Variants in ATG13 observed in about 807,000 individuals in gnomAD.
The protein encoded by ATG13 is autophagy related 13.
A neutral mutation model predicts 65.5 loss-of-function variants in ATG13; 23 were observed. That is an observed-to-expected ratio of 0.35 (90% confidence interval 0.25 to 0.50). The LOEUF is 0.50. Among genes scored for constraint, ATG13 ranks in the 20% least tolerant of loss-of-function variants. The pLI is 0.98. For synonymous variants in ATG13, 252 were observed against 245.2 expected (o/e 1.03, Z -0.26); for missense variants, 566 against 677.0 (o/e 0.84, Z 1.82).
rs149655148 is a variant in ATG13, at chr11:46,662,869, G to A, written c.790-1128G>A. On this transcript the variant is annotated intron_variant, in intron 11 of 18. Transcript: ENST00000683050. ...TGGTTTTGCCAACAGTATAAGGATC[G>A]TTGTGCCATTTGGGCACAGAGTTGA... Among the ~76,000 whole-genome samples, 103 of 152,276 alleles carry A rather than the reference G, an allele frequency of 6.8e-4. No homozygotes were observed. The East Asian group carries it at 0.019, about 28-fold the overall frequency.
intron 2 of ATG13, among the ~76,000 whole-genome samples, chr11:46,638,821 T>G (rs2054886329): frequency 6.6e-6 from 1 of 152,026 alleles, no homozygotes; most frequent in African/African-American, 2.4e-5. Flanking sequence ...GTTTGTTTGT[T>G]TTTTGAGACA....
intron 2 of ATG13, among the ~76,000 whole-genome samples, chr11:46,643,209 G>A (rs1424970639): frequency 1.3e-5 from 2 of 152,122 alleles, no homozygotes; most frequent in Non-Finnish European, 1.5e-5. Flanking sequence ...TTCAGGGGTT[G>A]GGGGTTGGCG....
chr11:46,645,759 T>C, intron 4 of ATG13, 111 bp from the exon 5 acceptor site: 1 of 1,432,188 alleles, frequency 7.0e-7, no homozygotes, highest in South Asian at 1.3e-5. Flanking sequence ...AGTGAATGAA[T>C]TGTCTTCCTT....
intron 7 of ATG13, among the ~76,000 whole-genome samples, chr11:46,654,867 G>A (rs1007999412): frequency 2.6e-5 from 4 of 152,102 alleles, no homozygotes; most frequent in Non-Finnish European, 1.5e-5. Flanking sequence ...GGGAGGCTAC[G>A]GCGGGTGTAT....
At chr11:46,630,331 A>G (rs1436302738) in intron 2 of ATG13, among the ~76,000 whole-genome samples, 1 of 152,196 alleles carries the variant, frequency 6.6e-6, no homozygotes, top group African/African-American at 2.4e-5. Context: ...GATTTGAACC[A>G]AGAACCCTGT....
Position 46,672,615 on chromosome 11 carries a change from C to G in ATG13, c.*283C>G. 2 of 1,419,174 alleles carry G rather than the reference C, an allele frequency of 1.4e-6. No individual in the cohort carries two copies. The highest frequency in any genetic ancestry group is 1.9e-6 in the Non-Finnish European group (2 of 1,069,402). 87.9% of individuals were successfully genotyped at this position (1,419,174 alleles called of 1,614,324 possible). On this transcript the variant is annotated 3_prime_UTR_variant, in exon 19 of 19. Coordinates refer to ENST00000683050, the MANE Select transcript of ATG13 (RefSeq NM_001346311.2). ...CAGCAGGGCCATCTGTGTGCCCTGC[C>G]CATCACCAACTGCTTCCCAAGGGTG... is the stretch of plus-strand genomic sequence containing the variant.
chr11:46,637,879 G>T, intron 2 of ATG13, among the ~76,000 whole-genome samples: 1 of 152,138 alleles, frequency 6.6e-6, no homozygotes, highest in East Asian at 1.9e-4. Flanking sequence ...TGTGTGATTG[G>T]TTAGGAGGTG....
At chr11:46,661,499 C>T (rs1452362278) in intron 11 of ATG13, among the ~76,000 whole-genome samples, 3 of 132,888 alleles carry the variant, frequency 2.3e-5, no homozygotes, top group Non-Finnish European at 4.7e-5. Flanking sequence ...GCCCGGGCAA[C>T]AGAGTGAGAC....
intron 7 of ATG13, among the ~76,000 whole-genome samples, chr11:46,651,525 T>C (rs148553991): frequency 4.1e-4 from 63 of 152,348 alleles, no homozygotes; most frequent in African/African-American, 1.4e-3. Context: ...CTTGGAATGC[T>C]GGGGTCCCAA....
chr11:46,622,361 C>T (rs2048022721), intron 1 of ATG13, among the ~76,000 whole-genome samples: 1 of 151,816 alleles, frequency 6.6e-6, no homozygotes, highest in South Asian at 2.1e-4. Context: ...TCGTGATCCG[C>T]CTGCCTCGGT....
chr11:46,669,767 C>A lies in ATG13; in HGVS notation c.1575+235C>A, dbSNP rs57479473. ...CATTCTCAGCATTACTTACATGCTC[C>A]TGTTGTTCTGTGCCTGACGTCTTCT... is the stretch of plus-strand genomic sequence containing the variant. On this transcript the variant is annotated intron_variant, in intron 18 of 18. Coordinates refer to ENST00000683050, the MANE Select transcript of ATG13 (RefSeq NM_001346311.2). Among the ~76,000 whole-genome samples the A allele has an allele frequency of 8.3e-3, 1,258 of 152,222 alleles. 20 individuals are homozygous for A. Among genetic ancestry groups the A allele is most frequent in the African/African-American group, 0.029 (1,202 of 41,530 alleles).
chr11:46,656,161 T>C lies in ATG13; in HGVS notation c.459-72T>C. ...GGAAGGCTTTGTTTTATTTTGTTTC[T>C]ACGTGTTTTGGCTATAGAGGCCCTT... On this transcript the variant is annotated intron_variant, in intron 7 of 18. Coordinates refer to ENST00000683050, the MANE Select transcript of ATG13 (RefSeq NM_001346311.2). The C allele has an allele frequency of 1.5e-6, 2 of 1,349,328 alleles. 1 individual carries two copies. The highest frequency in any genetic ancestry group is 2.1e-6 in the Non-Finnish European group (2 of 951,356). The allele number at this position is 1,349,328 out of a possible 1,614,324, so 83.6% of individuals were successfully genotyped here.
In ATG13 at chr11:46,654,968, G is replaced by A. The variant is rs146920618; in HGVS notation, c.459-1265G>A. ...ACAAAAATTAGCCAGGCATGGTAGCGCATACCTGTAGTGCCAGCCATTTGG... is the reference window on the plus strand; with the variant it reads ...ACAAAAATTAGCCAGGCATGGTAGCACATACCTGTAGTGCCAGCCATTTGG... On this transcript the variant is annotated intron_variant, in intron 7 of 18. Coordinates refer to ENST00000683050, the MANE Select transcript of ATG13 (RefSeq NM_001346311.2). Among the ~76,000 whole-genome samples the A allele has an allele frequency of 2.7e-3, 414 of 152,146 alleles. 2 individuals are homozygous for A. Among genetic ancestry groups the A allele is most frequent in the African/African-American group, 9.5e-3 (396 of 41,510 alleles).
Position 46,673,169 on chromosome 11 carries a change from T to C in ATG13, c.*837T>C, listed in dbSNP as rs2064126310. On this transcript the variant is annotated 3_prime_UTR_variant, in exon 19 of 19. Coordinates refer to ENST00000683050, the MANE Select transcript of ATG13 (RefSeq NM_001346311.2). ...AACCAGATATTTTATAGAGGAAATA[T>C]GTTTGAGGTGAGTTGTTTTTCACTT... The C allele has an allele frequency of 6.4e-6, 1 of 156,052 alleles. No homozygotes were observed. The highest frequency in any genetic ancestry group is 2.4e-5 in the African/African-American group (1 of 41,446). The allele number at this position is 156,052 out of a possible 1,614,324, so 9.7% of individuals were successfully genotyped here.
At chr11:46,672,033 A>G (rs2063844784) in intron 18 of ATG13, among the ~76,000 whole-genome samples, 1 of 151,926 alleles carries the variant, frequency 6.6e-6, no homozygotes, top group Admixed American at 6.5e-5. Context: ...GCCCACTTGG[A>G]CTCCCAAGGC....
chr11:46,646,364 G>A (rs892453548), intron 5 of ATG13, among the ~76,000 whole-genome samples: 2 of 152,190 alleles, frequency 1.3e-5, no homozygotes, highest in Admixed American at 1.3e-4. Flanking sequence ...AAGTCAGGCT[G>A]ATCTCGAATT....
chr11:46,625,671 G>A (rs1426679889), intron 1 of ATG13, among the ~76,000 whole-genome samples: 1 of 152,124 alleles, frequency 6.6e-6, no homozygotes, highest in East Asian at 1.9e-4. Flanking sequence ...GAGGAATTCC[G>A]CTGAGGGGAT....
intron 2 of ATG13, among the ~76,000 whole-genome samples, chr11:46,631,698 C>A (rs915558612): frequency 1.3e-5 from 2 of 152,054 alleles, no homozygotes; most frequent in Admixed American, 1.3e-4. Flanking sequence ...ACACCCGACC[C>A]ACCCCACAGG....
At chr11:46,642,450 C>T (rs897035956) in intron 2 of ATG13, among the ~76,000 whole-genome samples, 2 of 151,760 alleles carry the variant, frequency 1.3e-5, no homozygotes, top group African/African-American at 2.4e-5. Flanking sequence ...GTATTACAGG[C>T]GTGTGCCACC....
Sources: gnomAD v4.1 joint callset for allele counts (sites outside exome capture counted in the v4.1 genomes callset) on GRCh38, gnomAD v4.1.1 for gene constraint, MANE v1.5 for transcripts, NCBI Gene and HGNC (gene_info 2026-07-23, HGNC 2026-07-21) for gene names.